The following TRIO variants were observed in gnomAD, a reference collection of about 807,000 sequenced individuals.
The protein encoded by TRIO is trio Rho guanine nucleotide exchange factor.
A neutral mutation model predicts 351.9 loss-of-function variants in TRIO; 58 were observed. That is an observed-to-expected ratio of 0.16 (90% CI 0.13 to 0.21). The LOEUF is 0.21. TRIO is among the 10% of genes least tolerant of loss of function. TRIO has a pLI of 1.00. For synonymous variants in TRIO, 1,758 were observed against 1,595.7 expected (o/e 1.10, Z -2.42); for missense variants, 3,201 against 4,027.8 (o/e 0.79, Z 5.56).
At chr5:14,353,156 CTG>C (rs1325273461) in intron 11 of TRIO, among the ~76,000 whole-genome samples, 1 of 152,070 alleles carries the variant, frequency 6.6e-6, no homozygotes, top group South Asian at 2.1e-4. Flanking sequence ...GATTTTAAAA[CTG>C]TGATCTTTCT....
chr5:14,248,865 T>C (rs1361033003), intron 1 of TRIO, among the ~76,000 whole-genome samples: 1 of 151,900 alleles, frequency 6.6e-6, no homozygotes. Flanking sequence ...CTCTAAGGAG[T>C]GTATTAACTT....
At chr5:14,505,635 T>C (rs918948670) in intron 55 of TRIO, among the ~76,000 whole-genome samples, 1 of 152,118 alleles carries the variant, frequency 6.6e-6, no homozygotes, top group Admixed American at 6.5e-5. Context: ...TTAAAGAAAC[T>C]ATAAATGCCT....
intron 9 of TRIO, 69 bp from the exon 10 acceptor site, chr5:14,330,709 G>T: frequency 6.6e-7 from 1 of 1,512,336 alleles, no homozygotes. Context: ...GGTCTTCATT[G>T]GATAACCTTA....
intron 36 of TRIO, 45 bp from the exon 37 acceptor site, chr5:14,465,500 G>A (rs201467732): frequency 2.5e-6 from 4 of 1,594,258 alleles, no homozygotes; most frequent in Non-Finnish European, 2.6e-6. Flanking sequence ...AGTTACTAAT[G>A]TGAGCCCTTG....
intron 1 of TRIO, among the ~76,000 whole-genome samples, chr5:14,217,159 G>A (rs1224051242): frequency 6.6e-6 from 1 of 152,176 alleles, no homozygotes; most frequent in African/African-American, 2.4e-5. Context: ...ACTAAAGGAT[G>A]TTTGTTACTA....
intron 2 of TRIO, among the ~76,000 whole-genome samples, chr5:14,272,641 A>T (rs547229982): frequency 1.3e-5 from 2 of 152,144 alleles, no homozygotes; most frequent in African/African-American, 4.8e-5. Flanking sequence ...TTTACCACAG[A>T]TTAGTAGGAA....
chr5:14,472,148 G>T (rs1345247388), intron 38 of TRIO, among the ~76,000 whole-genome samples: 1 of 152,220 alleles, frequency 6.6e-6, no homozygotes, highest in Non-Finnish European at 1.5e-5. Context: ...GTTACTGAAT[G>T]TAACAAACAG....
Position 14,336,731 on chromosome 5 carries a change from AG to A in TRIO, c.2046+6del. 1.2e-6 allele frequency: 2 copies of A among 1,614,030 alleles called. No individual in the cohort carries two copies. The highest frequency in any genetic ancestry group is 2.2e-5 in the South Asian group (2 of 91,070). On this transcript the variant is annotated splice_donor_5th_base_variant and intron_variant, in intron 11 of 56. Transcript: ENST00000344204. ...CTTTCACACCCATGTGAAAGAGGTA[AG>A]GTGCCAGGAGACCAAAATATGATCT...
Position 14,488,120 on chromosome 5 carries a change from G to T in TRIO, c.7492G>T (p.Gly2498Cys), listed in dbSNP as rs1041144653. The T allele has an allele frequency of 6.2e-7, 1 of 1,609,518 alleles. No homozygotes were observed. The highest frequency in any genetic ancestry group is 8.5e-7 in the Non-Finnish European group (1 of 1,179,312). Residue 2498 changes from glycine (G) to cysteine (C), a missense_variant, in exon 48 of 57, where the codon GGC becomes TGC. Coordinates refer to ENST00000344204, the MANE Select transcript of TRIO (RefSeq NM_007118.4). ...SIPASPASRP[G>C]SFTFPGDSDS... ...CCCCGCCTCCCCCGCCAGCCGACCC[G>T]GCTCCTTCACCTTCCCGGGGGACAG...
intron 1 of TRIO, among the ~76,000 whole-genome samples, chr5:14,174,075 G>A (rs1056430109): frequency 6.6e-6 from 1 of 152,180 alleles, no homozygotes; most frequent in Non-Finnish European, 1.5e-5. Flanking sequence ...GATTCTTTGT[G>A]TACTGTTTAG....
chr5:14,308,147 TTTTG>T (rs768537643), intron 8 of TRIO, among the ~76,000 whole-genome samples: 10 of 152,110 alleles, frequency 6.6e-5, no homozygotes, highest in African/African-American at 1.9e-4. Context: ...GTTCTCAGAG[TTTTG>T]TTTGTTTGTG....
chr5:14,275,890 ATATATG>A (rs1167321156), intron 2 of TRIO, among the ~76,000 whole-genome samples: 8 of 143,882 alleles, frequency 5.6e-5, no homozygotes, highest in Middle Eastern at 3.7e-3. Context: ...ATATGTTTAT[ATATATG>A]TGTTTATATA....
chr5:14,427,852 C>CA (rs1234189906), intron 34 of TRIO, among the ~76,000 whole-genome samples: 1 of 152,146 alleles, frequency 6.6e-6, no homozygotes, highest in Non-Finnish European at 1.5e-5. Context: ...TCTTGAGCAA[C>CA]AACACATATA....
At position 14,164,004 on chromosome 5, in the gene TRIO, T is replaced by C. The variant is rs527502549; in HGVS notation, c.157+20122T>C. ...TGTTTTAACTGAATCCAGACATTCA[T>C]AGTAGTGAGCACTTTCTTTGACTCC... is the stretch of plus-strand genomic sequence containing the variant. On this transcript the variant is annotated intron_variant, in intron 1 of 56. Transcript: ENST00000344204. Among the ~76,000 whole-genome samples, 3 of 152,316 alleles carry C rather than the reference T, an allele frequency of 2.0e-5. No homozygotes were observed. In the East Asian group the frequency reaches 5.8e-4, roughly 29 times the overall value.
intron 1 of TRIO, among the ~76,000 whole-genome samples, chr5:14,203,477 T>G (rs1791264857): frequency 6.6e-6 from 1 of 152,280 alleles, no homozygotes. Context: ...AGACCATGTT[T>G]CCTGGTCAGA....
intron 1 of TRIO, among the ~76,000 whole-genome samples, chr5:14,156,170 C>A (rs1788093691): frequency 6.6e-6 from 1 of 152,136 alleles, no homozygotes; most frequent in Non-Finnish European, 1.5e-5. Context: ...TCTTTTGTGA[C>A]CTGTCTCCAT....
intron 18 of TRIO, among the ~76,000 whole-genome samples, chr5:14,372,830 G>A (rs890982716): frequency 2.0e-5 from 3 of 152,216 alleles, no homozygotes; most frequent in Non-Finnish European, 2.9e-5. Context: ...CACCCTCGTA[G>A]TCTTCAGCGT....
intron 48 of TRIO, chr5:14,489,086 G>C (rs1756278862): frequency 1.3e-6 from 1 of 764,478 alleles, no homozygotes; most frequent in Non-Finnish European, 2.4e-6. Context: ...GAATAGAACT[G>C]TTCTAATGAG....
chr5:14,253,925 C>T (rs1368331363), intron 1 of TRIO, among the ~76,000 whole-genome samples: 1 of 150,624 alleles, frequency 6.6e-6, no homozygotes, highest in Non-Finnish European at 1.5e-5. Flanking sequence ...TTAAACCACA[C>T]ATTAAAGGAA....
Sources: gnomAD v4.1 joint callset for allele counts (sites outside exome capture counted in the v4.1 genomes callset) on GRCh38, gnomAD v4.1.1 for gene constraint, MANE v1.5 for transcripts, NCBI Gene and HGNC (gene_info 2026-07-23, HGNC 2026-07-21) for gene names.